COL15A1: variants seen among roughly 807,000 people sequenced by gnomAD.
COL15A1 encodes collagen type XV alpha 1 chain, also known as collagen alpha-1(XV) chain.
In COL15A1, 111 loss-of-function variants were observed where a neutral mutation model predicts 165.9. That is an observed-to-expected ratio of 0.67 (90% confidence interval 0.57 to 0.78). The LOEUF is 0.78. COL15A1 is among the 30% of genes least tolerant of loss of function. The probability of loss-of-function intolerance (pLI) is 0.00; values close to 1 mark genes in which losing one functional copy is unlikely to be tolerated. For synonymous variants in COL15A1, 659 were observed against 674.8 expected, an observed-to-expected ratio of 0.98 and a Z score of 0.36; for missense variants, 1,745 against 1,789.7, an observed-to-expected ratio of 0.98 and a Z score of 0.45.
rs1755824812 is a variant in COL15A1 at position 99,036,386 on chromosome 9, T to C, written c.2399T>C (p.Val800Ala). ...AGAGGGCCACCTGGGCACATCAAGGTCTTGTCTAATGTGAGTATCATTCAG... is the reference window on the plus strand; with the variant it reads ...AGAGGGCCACCTGGGCACATCAAGGCCTTGTCTAATGTGAGTATCATTCAG... ...GPRGPPGHIK[V>A]LSNSLINITH... The change falls in exon 21 of 42, where the codon GTC becomes GCC. Residue 800 changes from valine to alanine, a missense_variant. Physicochemically the swap from Val to Ala is moderately conservative, Grantham distance 64 (BLOSUM62 0). Transcript: ENST00000375001. 1 of 1,614,128 alleles carries C rather than the reference T, an allele frequency of 6.2e-7. No homozygotes were observed. The highest frequency in any genetic ancestry group is 8.5e-7 in the Non-Finnish European group (1 of 1,180,016).
At chr9:99,054,461 T>G in intron 31 of COL15A1, 115 bp from the exon 32 acceptor site, 2 of 1,120,100 alleles carry the variant, frequency 1.8e-6, no homozygotes, top group Non-Finnish European at 2.5e-6. Flanking sequence ...CAGGAGGGCT[T>G]TGTTTGAGTG....
chr9:99,030,376 A>G (rs938699551), intron 16 of COL15A1, among the ~76,000 whole-genome samples: 1 of 152,196 alleles, frequency 6.6e-6, no homozygotes, highest in Non-Finnish European at 1.5e-5. Context: ...CAACATCACC[A>G]TTTTGGGAAT....
intron 26 of COL15A1, 88 bp from the exon 27 acceptor site, chr9:99,047,698 A>G: frequency 7.3e-7 from 1 of 1,370,190 alleles, no homozygotes; most frequent in African/African-American, 1.4e-5. Flanking sequence ...CATCGTCACC[A>G]CTGCCTGCAA....
intron 31 of COL15A1, among the ~76,000 whole-genome samples, 154 bp downstream of exon 31, chr9:99,052,587 G>T (rs1588535132): frequency 6.6e-6 from 1 of 152,310 alleles, no homozygotes; most frequent in Non-Finnish European, 1.5e-5. Flanking sequence ...AGGCTGTGGG[G>T]CTGTGCACCT....
At chr9:99,056,442 C>A in intron 35 of COL15A1, 38 bp downstream of exon 35, 1 of 1,557,178 alleles carries the variant, frequency 6.4e-7, no homozygotes, top group South Asian at 1.2e-5. Flanking sequence ...CATGCTGTCC[C>A]TACCATTGTG....
chr9:99,037,185 TCAAA>T (rs1185721177), intron 21 of COL15A1, among the ~76,000 whole-genome samples: 2 of 152,214 alleles, frequency 1.3e-5, no homozygotes, highest in East Asian at 3.8e-4. Flanking sequence ...ACTTCATCCT[TCAAA>T]CCCCCATCAT....
chr9:99,035,191 T>C (rs1418254890), intron 18 of COL15A1, 37 bp downstream of exon 18: 1 of 1,576,316 alleles, frequency 6.3e-7, no homozygotes, highest in South Asian at 1.2e-5. Context: ...AAAAATGATG[T>C]GTACTAAGGG....
rs1299513692 is a variant in COL15A1 at position 98,950,568 on chromosome 9, C to CTTCCTTCA, written c.100+6325_100+6326insATTCCTTC. Among the ~76,000 whole-genome samples the CTTCCTTCA allele has an allele frequency of 2.5e-4, 27 of 106,108 alleles. 1 individual carries two copies. The highest frequency in any genetic ancestry group is 2.2e-3 in the South Asian group (6 of 2,766). 69.6% of individuals were successfully genotyped at this position (106,108 alleles called of 152,430 possible). A position where few individuals can be genotyped will look rare whatever the true frequency, so the allele number is the denominator to read the frequency against. On this transcript the variant is annotated intron_variant, in intron 2 of 41. Transcript: ENST00000375001. ...TCCCTTCCCCTTCCTTCCTTCCTTC[C>CTTCCTTCA]TTCCTTCCTTCCTTCCTTCCTTCCT...
At position 98,944,265 on chromosome 9, in the gene COL15A1, C is replaced by CG; in HGVS notation, c.100+17dup. 6.2e-7 allele frequency: 1 copy of CG among 1,611,442 alleles called. No individual in the cohort carries two copies. ...CGGTGCGACAGGTAAGCAACCCGGT[C>CG]GGAGGGTGGCACCGGCTGCCTCCGC... On this transcript the variant is annotated intron_variant, in intron 2 of 41. Coordinates refer to ENST00000375001, the MANE Select transcript of COL15A1 (RefSeq NM_001855.5).
At chr9:98,984,222 T>C (rs1055523801) in intron 2 of COL15A1, among the ~76,000 whole-genome samples, 1 of 152,226 alleles carries the variant, frequency 6.6e-6, no homozygotes, top group Non-Finnish European at 1.5e-5. Flanking sequence ...ACAGTGGTCT[T>C]GTCCCCCTCT....
chr9:98,982,912 T>C (rs1264626738), intron 2 of COL15A1, among the ~76,000 whole-genome samples: 3 of 152,164 alleles, frequency 2.0e-5, no homozygotes, highest in Non-Finnish European at 4.4e-5. Flanking sequence ...GGGATTACAG[T>C]TGTGAGCCAC....
chr9:98,979,404 G>GA (rs1375123381), intron 2 of COL15A1, among the ~76,000 whole-genome samples: 3 of 152,130 alleles, frequency 2.0e-5, no homozygotes, highest in Non-Finnish European at 4.4e-5. Context: ...ATCTGATAGG[G>GA]AAAATGGTAT....
At chr9:99,063,234 A>G in intron 39 of COL15A1, 125 bp downstream of exon 39, 1 of 1,162,672 alleles carries the variant, frequency 8.6e-7, no homozygotes, top group Non-Finnish European at 1.1e-6. Flanking sequence ...AGGCAAACAA[A>G]AAACAGAGAA....
intron 11 of COL15A1, among the ~76,000 whole-genome samples, chr9:99,016,365 T>C (rs1838935235): frequency 6.6e-6 from 1 of 152,210 alleles, no homozygotes; most frequent in Non-Finnish European, 1.5e-5. Flanking sequence ...ATCTTTGGAT[T>C]GAAATGAGAT....
At chr9:99,035,680 C>A (rs750602679) in intron 19 of COL15A1, among the ~76,000 whole-genome samples, 1 of 152,114 alleles carries the variant, frequency 6.6e-6, no homozygotes, top group Non-Finnish European at 1.5e-5. Context: ...TCTCTCTCTC[C>A]CTCTGCCTCT....
intron 16 of COL15A1, among the ~76,000 whole-genome samples, chr9:99,028,732 G>A (rs1027199818): frequency 6.6e-6 from 1 of 152,006 alleles, no homozygotes; most frequent in Non-Finnish European, 1.5e-5. Context: ...TACAGATTGG[G>A]TACAGTATAC....
At chr9:99,050,413 G>A (rs554671241) in intron 30 of COL15A1, among the ~76,000 whole-genome samples, 1 of 152,188 alleles carries the variant, frequency 6.6e-6, no homozygotes, top group Non-Finnish European at 1.5e-5. Flanking sequence ...AAGGTCATGG[G>A]ACTTGACTGA....
chr9:98,996,309 T>G (rs531779748), intron 5 of COL15A1, among the ~76,000 whole-genome samples: 3 of 152,206 alleles, frequency 2.0e-5, no homozygotes, highest in Non-Finnish European at 4.4e-5. Context: ...GAGCTGCTGC[T>G]TGGGTCCAGG....
intron 38 of COL15A1, 60 bp from the exon 39 acceptor site, chr9:99,062,990 C>T: frequency 6.5e-7 from 1 of 1,543,954 alleles, no homozygotes; most frequent in Non-Finnish European, 8.7e-7. Context: ...CCTCAATACA[C>T]TCTGAAGAAC....
Sources: allele counts gnomAD v4.1 joint callset (sites outside exome capture counted in the v4.1 genomes callset), GRCh38; gene constraint gnomAD v4.1.1; transcripts MANE v1.5; gene names NCBI Gene and HGNC (gene_info 2026-07-23, HGNC 2026-07-21).